ZFR: variants seen among roughly 807,000 people sequenced by gnomAD.
ZFR encodes the protein zinc finger RNA-binding protein.
A neutral mutation model predicts 130.7 loss-of-function variants in ZFR; 19 were observed. The ratio of observed to expected loss-of-function variants is 0.15; its 90% CI spans 0.10 to 0.21. ZFR has a LOEUF of 0.21. ZFR is among the 10% of genes least tolerant of loss of function. The pLI is 1.00. For synonymous variants in ZFR, 466 were observed against 456.9 expected, an observed-to-expected ratio of 1.02 and a Z score of -0.25; for missense variants, 872 against 1,321.5, an observed-to-expected ratio of 0.66 and a Z score of 5.27.
At chr5:32,390,666 G>C (rs1022316654) in intron 11 of ZFR, among the ~76,000 whole-genome samples, 1 of 152,082 alleles carries the variant, frequency 6.6e-6, no homozygotes, top group Non-Finnish European at 1.5e-5. Context: ...AAAAAGAACA[G>C]GCATCAGAAA....
chr5:32,387,934 T>C (rs1753075677), intron 13 of ZFR, among the ~76,000 whole-genome samples: 1 of 152,010 alleles, frequency 6.6e-6, no homozygotes, highest in Non-Finnish European at 1.5e-5. Context: ...GCAATGGACA[T>C]TAACACTTCT....
intron 5 of ZFR, among the ~76,000 whole-genome samples, chr5:32,412,431 A>C (rs75207940): frequency 6.6e-6 from 1 of 152,232 alleles, no homozygotes. Flanking sequence ...GAACTGTTCT[A>C]CATTAAAGCA....
intron 10 of ZFR, among the ~76,000 whole-genome samples, chr5:32,396,741 C>T (rs1343008465): frequency 4.0e-5 from 6 of 151,200 alleles, no homozygotes; most frequent in African/African-American, 1.5e-4. Context: ...GAGACTCCAT[C>T]TCATTAAAAA....
chr5:32,427,374 CA>C (rs540663022), intron 2 of ZFR, among the ~76,000 whole-genome samples: 20,663 of 66,388 alleles, frequency 0.31, 1,071 homozygotes, highest in Middle Eastern at 0.46. Flanking sequence ...GACTCTGTCT[CA>C]AAAAAAAAAA....
Position 32,355,688 on chromosome 5 carries a change from C to A in ZFR, c.*72G>T. 7.4e-7 allele frequency: 1 copy of A among 1,351,300 alleles called. No homozygotes were observed. Among genetic ancestry groups the A allele is most frequent in the Non-Finnish European group, 1.0e-6 (1 of 1,000,516 alleles). 83.7% of individuals were successfully genotyped at this position (1,351,300 alleles called of 1,614,324 possible). ...TTCTTGATAAATTTTTCAATGTAGA[C>A]ATTATTATGAATGAAAAACAGCCAA... On this transcript the variant is annotated 3_prime_UTR_variant, in exon 20 of 20. Coordinates refer to ENST00000265069, the MANE Select transcript of ZFR (RefSeq NM_016107.5).
intron 19 of ZFR, among the ~76,000 whole-genome samples, chr5:32,362,462 C>T (rs954750212): frequency 1.3e-5 from 2 of 152,100 alleles, no homozygotes; most frequent in Admixed American, 6.5e-5. Flanking sequence ...AAAAACTAAC[C>T]GAAATTGACA....
chr5:32,410,269 C>A (rs1029854162), intron 5 of ZFR, among the ~76,000 whole-genome samples: 1 of 114,786 alleles, frequency 8.7e-6, no homozygotes, highest in Non-Finnish European at 1.7e-5. Flanking sequence ...GGTGACACAG[C>A]AAGACACTGT....
intron 10 of ZFR, 24 bp from the exon 11 acceptor site, chr5:32,395,328 A>T: frequency 3.3e-6 from 5 of 1,493,172 alleles, no homozygotes; most frequent in Non-Finnish European, 4.5e-6. Flanking sequence ...TAAGACATTT[A>T]AAAAACAGCA....
rs747760590 is a variant in ZFR, at chr5:32,415,186, G to A, written c.567C>T (p.Ala189=). 1.2e-6 allele frequency: 2 copies of A among 1,613,642 alleles called. No individual in the cohort carries two copies. The highest frequency in any genetic ancestry group is 2.2e-5 in the South Asian group (2 of 90,990). ...CACCTTGGCTGTAACCTGCTTTGGGGGCTGAAGTAGGAAAGAGACATCAGA... is the reference window on the plus strand; with the variant it reads ...CACCTTGGCTGTAACCTGCTTTGGGAGCTGAAGTAGGAAAGAGACATCAGA... ...PSVAETYYQT[A]PKAGYSQGAT... Residue 189 remains alanine (A), a splice_region_variant and synonymous_variant, in exon 5 of 20, where the codon GCC becomes GCT. Transcript: ENST00000265069.
At chr5:32,416,795 C>T (rs1257670812) in intron 4 of ZFR, among the ~76,000 whole-genome samples, 1 of 152,078 alleles carries the variant, frequency 6.6e-6, no homozygotes. Flanking sequence ...TAAAAAATCA[C>T]TTGCCCACAT....
chr5:32,424,171 T>A (rs1022983043), intron 2 of ZFR, among the ~76,000 whole-genome samples: 2 of 151,878 alleles, frequency 1.3e-5, no homozygotes, highest in South Asian at 2.1e-4. Flanking sequence ...GAGAAAGATA[T>A]CCAGAAAAAC....
chr5:32,358,798 G>C (rs1383150452), intron 19 of ZFR, among the ~76,000 whole-genome samples: 1 of 152,042 alleles, frequency 6.6e-6, no homozygotes, highest in Non-Finnish European at 1.5e-5. Flanking sequence ...CAGCAGAACT[G>C]AGAGCCAAAA....
At chr5:32,384,244 A>G (rs1216687545) in intron 15 of ZFR, among the ~76,000 whole-genome samples, 1 of 143,056 alleles carries the variant, frequency 7.0e-6, no homozygotes, top group African/African-American at 2.8e-5. Context: ...TGACCTGACC[A>G]GATTGACTCA....
In ZFR at chr5:32,407,001, C is replaced by A; in HGVS notation, c.805G>T (p.Glu269Ter). ...GATGCAGCTGAATACACTGCTGCTT[C>A]ATAACCTGAATAAGACGTACCTTAC... ...TYSGTSYSGY[E>*]AAVYSAASSY... The change falls in exon 6 of 20, where the codon GAA becomes TAA. Residue 269 changes from glutamate (E) to a stop codon, truncating the protein, a stop_gained. Transcript: ENST00000265069. LOFTEE classifies it high-confidence loss of function. The A allele has an allele frequency of 6.5e-7, 1 of 1,548,810 alleles. No individual in the cohort carries two copies. Among genetic ancestry groups the A allele is most frequent in the South Asian group, 1.2e-5 (1 of 82,940 alleles).
At chr5:32,379,681 G>A in intron 16 of ZFR, 1 of 188,210 alleles carries the variant, frequency 5.3e-6, no homozygotes, top group Non-Finnish European at 1.1e-5. Flanking sequence ...TAGAGAAAGA[G>A]GGGGAAAAAA....
At chr5:32,410,599 C>A (rs571887479) in intron 5 of ZFR, among the ~76,000 whole-genome samples, 1 of 117,594 alleles carries the variant, frequency 8.5e-6, no homozygotes. Context: ...TGGAATGAGA[C>A]CTAGTCTCAA....
chr5:32,443,868 G>C (rs1222859845), intron 2 of ZFR, among the ~76,000 whole-genome samples: 1 of 152,262 alleles, frequency 6.6e-6, no homozygotes, highest in African/African-American at 2.4e-5. Context: ...GTGGGGGCTG[G>C]ACGCGCGGAG....
At chr5:32,417,904 T>C in intron 3 of ZFR, 112 bp from the exon 4 acceptor site, 1 of 940,582 alleles carries the variant, frequency 1.1e-6, no homozygotes, top group Non-Finnish European at 1.6e-6. Context: ...CGTAGTTTCA[T>C]GACAGACCTA....
At position 32,403,196 on chromosome 5, in the gene ZFR, A is replaced by G; in HGVS notation, c.1426T>C (p.Ser476Pro). The G allele has an allele frequency of 1.2e-6, 2 of 1,614,210 alleles. No individual in the cohort carries two copies. Among genetic ancestry groups the G allele is most frequent in the Non-Finnish European group, 1.7e-6 (2 of 1,180,028 alleles). The change falls in exon 8 of 20, where the codon TCT (serine) becomes CCT (proline). Residue 476 changes from serine (S) to proline (P), a missense_variant. This residue lies in a region of ZFR where 143 missense variants were observed against 137.9 expected (regional missense o/e 1.04). Coordinates refer to ENST00000265069, the MANE Select transcript of ZFR (RefSeq NM_016107.5). ...MKGLTTTGNS[S>P]LNSTSNTKVS... ...TTAGTGTTAGATGTGCTATTAAGAG[A>G]CGAGTTTCCTGTAGTCGTAAGACCC... is the stretch of plus-strand genomic sequence containing the variant.
Sources: gnomAD v4.1 joint callset for allele counts (sites outside exome capture counted in the v4.1 genomes callset) on GRCh38, gnomAD v4.1.1 for gene constraint, gnomAD v4.1.1 regional missense constraint, MANE v1.5 for transcripts, NCBI Gene and HGNC (gene_info 2026-07-23, HGNC 2026-07-21) for gene names.